The following AKT3 variants were observed in gnomAD, a reference collection of about 807,000 sequenced individuals.
The protein encoded by AKT3 is RAC-gamma serine/threonine-protein kinase.
AKT3 carries 15 observed loss-of-function variants against 65.3 expected under a neutral mutation model. The observed-to-expected ratio is 0.23, with a 90% CI of 0.15 to 0.35. The LOEUF is 0.35. Among genes scored for constraint, AKT3 ranks in the 10% least tolerant of loss-of-function variants. AKT3 has a pLI of 1.00. For synonymous variants in AKT3, 206 were observed against 183.8 expected, an observed-to-expected ratio of 1.12 and a Z score of -0.98; for missense variants, 243 against 576.5, an observed-to-expected ratio of 0.42 and a Z score of 5.92.
chr1:243,603,158 T>C (rs1677142622), intron 8 of AKT3, among the ~76,000 whole-genome samples: 1 of 152,198 alleles, frequency 6.6e-6, no homozygotes, highest in Admixed American at 6.5e-5. Context: ...TAGAGAGATT[T>C]TACAATCAGT....
rs1440673472 is a variant in AKT3 at position 243,664,541 on chromosome 1, T to C, written c.284+231A>G. On this transcript the variant is annotated intron_variant, in intron 4 of 13. Coordinates refer to ENST00000673466, the MANE Select transcript of AKT3 (RefSeq NM_005465.7). ...TTAAATTTATATTTTAACCTTTAAA[T>C]GTTCTGTTTCTCTGAAAGTATATCT... is the stretch of plus-strand genomic sequence containing the variant. Among the ~76,000 whole-genome samples, 3 of 152,144 alleles carry C rather than the reference T, an allele frequency of 2.0e-5. No individual in the cohort carries two copies. In the East Asian group the frequency reaches 5.8e-4, roughly 29 times the overall value.
chr1:243,808,641 C>A (rs1692910559), intron 2 of AKT3, among the ~76,000 whole-genome samples: 1 of 152,118 alleles, frequency 6.6e-6, no homozygotes, highest in Admixed American at 6.5e-5. Context: ...CCCAATCCAG[C>A]AAGGCAGGCC....
chr1:243,774,865 A>AATT (rs923787905), intron 2 of AKT3, among the ~76,000 whole-genome samples: 3 of 151,990 alleles, frequency 2.0e-5, no homozygotes, highest in South Asian at 2.1e-4. Flanking sequence ...ATTGTATTCC[A>AATT]ATTATTATTA....
chr1:243,709,304 G>A (rs59098842), intron 2 of AKT3, among the ~76,000 whole-genome samples: 255 of 149,224 alleles, frequency 1.7e-3, no homozygotes, highest in African/African-American at 6.1e-3. Flanking sequence ...AAAAAAAAGA[G>A]CTTCTATTGA....
At chr1:243,850,345 G>A (rs1475888401), upstream of AKT3, among the ~76,000 whole-genome samples, 3 of 151,148 alleles carry the variant, frequency 2.0e-5, no homozygotes, top group Non-Finnish European at 3.0e-5. Context: ...GAGAGAGGGC[G>A]GCGGCGGGGA....
intron 6 of AKT3, among the ~76,000 whole-genome samples, chr1:243,624,049 A>G (rs1054489410): frequency 6.6e-6 from 1 of 152,186 alleles, no homozygotes; most frequent in African/African-American, 2.4e-5. Flanking sequence ...CTTGTGAGTC[A>G]TGACTCACTG....
rs552442482 is a variant in AKT3 at position 243,593,867 on chromosome 1, G to A, written c.696+19804C>T. On this transcript the variant is annotated intron_variant, in intron 8 of 13. Coordinates refer to ENST00000673466, the MANE Select transcript of AKT3 (RefSeq NM_005465.7). ...AATAATAAAAGACTTAATCTTTTCC[G>A]AGACAGGGAACAAAAACACAATGTT... is the stretch of plus-strand genomic sequence containing the variant. Among the ~76,000 whole-genome samples, 10 of 152,172 alleles carry A rather than the reference G, an allele frequency of 6.6e-5. No homozygotes were observed. The East Asian group carries it at 1.7e-3, about 26-fold the overall frequency.
chr1:243,630,461 AGGGAGAAATT>A (rs1679525628), intron 6 of AKT3, among the ~76,000 whole-genome samples: 1 of 152,232 alleles, frequency 6.6e-6, no homozygotes, highest in Non-Finnish European at 1.5e-5. Context: ...CCACTCAGAA[AGGGAGAAATT>A]GGAAGAAATA....
chr1:243,681,966 C>T (rs537998333), intron 3 of AKT3, among the ~76,000 whole-genome samples: 140 of 152,000 alleles, frequency 9.2e-4, no homozygotes, highest in Non-Finnish European at 1.7e-3. Context: ...TCCTAATTTC[C>T]GATGTATTAA....
chr1:243,625,877 T>C (rs982767478), intron 6 of AKT3, among the ~76,000 whole-genome samples: 2 of 152,186 alleles, frequency 1.3e-5, no homozygotes, highest in Non-Finnish European at 2.9e-5. Context: ...ACACAATAGA[T>C]TGTTCCTAAA....
chr1:243,765,229 A>AT (rs1283822278), intron 2 of AKT3, among the ~76,000 whole-genome samples: 1 of 152,130 alleles, frequency 6.6e-6, no homozygotes, highest in Non-Finnish European at 1.5e-5. Flanking sequence ...AAACAAGAGG[A>AT]CTTGTTAATT....
At chr1:243,743,496 A>G (rs1368226862) in intron 2 of AKT3, among the ~76,000 whole-genome samples, 1 of 152,176 alleles carries the variant, frequency 6.6e-6, no homozygotes, top group Non-Finnish European at 1.5e-5. Flanking sequence ...TTTATTAAGG[A>G]AAAAAATATT....
At chr1:243,559,862 C>A (rs556530177) in intron 10 of AKT3, among the ~76,000 whole-genome samples, 2 of 152,150 alleles carry the variant, frequency 1.3e-5, no homozygotes, top group South Asian at 2.1e-4. Context: ...ACGAAAAGCC[C>A]AGCATTAATA....
In AKT3 at chr1:243,632,961, T is replaced by C. The variant is rs116080915; in HGVS notation, c.561+4650A>G. On this transcript the variant is annotated intron_variant, in intron 6 of 13. Coordinates refer to ENST00000673466, the MANE Select transcript of AKT3 (RefSeq NM_005465.7). ...AGGGAATGTTGCAGCTGGTTTGAACTTCTATCAAGACCACTCGAACTTTTT... is the reference window on the plus strand; with the variant it reads ...AGGGAATGTTGCAGCTGGTTTGAACCTCTATCAAGACCACTCGAACTTTTT... Among the ~76,000 whole-genome samples the C allele has an allele frequency of 5.6e-3, 855 of 152,338 alleles. 11 individuals carry two copies. The highest frequency in any genetic ancestry group is 0.02 in the African/African-American group (813 of 41,586).
rs1402121409 is a variant in AKT3, at chr1:243,695,597, C to T, written c.166G>A (p.Val56Met). Residue 56 changes from valine to methionine, a missense_variant, in exon 3 of 14, where the codon GTG becomes ATG. This residue lies in a region of AKT3 where 29 missense variants were observed against 91.3 expected (regional missense o/e 0.32). Coordinates refer to ENST00000673466, the MANE Select transcript of AKT3 (RefSeq NM_005465.7). ...ACAATTATAATTAACTTACTTGCCA[C>T]TGAAAAGTTGTTGAGGGGATAAGGT... ...DLPYPLNNFSVAKCQLMKTER... is the reference protein window; with the variant it reads ...DLPYPLNNFSMAKCQLMKTER... The T allele has an allele frequency of 1.3e-6, 2 of 1,591,430 alleles. No individual in the cohort carries two copies.
At chr1:243,564,663 A>G (rs1674025058) in intron 9 of AKT3, among the ~76,000 whole-genome samples, 1 of 152,170 alleles carries the variant, frequency 6.6e-6, no homozygotes, top group Admixed American at 6.6e-5. Flanking sequence ...TAAGATTATG[A>G]TTATCATCAA....
At chr1:243,681,061 G>C (rs1441605915) in intron 3 of AKT3, among the ~76,000 whole-genome samples, 1 of 152,070 alleles carries the variant, frequency 6.6e-6, no homozygotes, top group African/African-American at 2.4e-5. Context: ...TATGGAAAAA[G>C]CACTGGTCTG....
At position 243,516,613 on chromosome 1, in the gene AKT3, T is replaced by G. The variant is rs555385692; in HGVS notation, c.1252-4187A>C. 5.3e-5 allele frequency among the ~76,000 whole-genome samples: 8 copies of G among 152,254 alleles called. No homozygotes were observed. In the East Asian group the frequency reaches 1.5e-3, roughly 29 times the overall value. On this transcript the variant is annotated intron_variant, in intron 12 of 13. Coordinates refer to ENST00000673466, the MANE Select transcript of AKT3 (RefSeq NM_005465.7). ...TGTCACCCAGGCTAGAGTGCAGGGA[T>G]GTGATCATAGTTCACTGAAGCCTCA...
At chr1:243,574,036 G>A (rs1426943536) in intron 8 of AKT3, among the ~76,000 whole-genome samples, 1 of 152,044 alleles carries the variant, frequency 6.6e-6, no homozygotes, top group African/African-American at 2.4e-5. Flanking sequence ...GTTATTAATA[G>A]ATACACAATA....
Sources: allele counts gnomAD v4.1 joint callset (sites outside exome capture counted in the v4.1 genomes callset), GRCh38; gene constraint gnomAD v4.1.1; regional missense constraint gnomAD v4.1.1; transcripts MANE v1.5; gene names NCBI Gene and HGNC (gene_info 2026-07-23, HGNC 2026-07-21).